The following PRKN variants were observed in gnomAD, a reference collection of about 807,000 sequenced individuals.
The protein encoded by PRKN is E3 ubiquitin-protein ligase parkin.
A neutral mutation model predicts 59.5 loss-of-function variants in PRKN; 56 were observed. The ratio of observed to expected loss-of-function variants is 0.94; its 90% confidence interval spans 0.76 to 1.18. The LOEUF (loss-of-function observed/expected upper bound fraction) is 1.18, where lower values mean the gene tolerates loss of function less well. Ranked by LOEUF, PRKN falls within the 50% of genes most tolerant of loss-of-function variation. The pLI, the probability that PRKN is intolerant of heterozygous loss-of-function variation, is 0.00. For missense variants in PRKN, 657 were observed against 596.4 expected, an observed-to-expected ratio of 1.10 and a Z score of -1.06; for synonymous variants, 250 against 222.1, an observed-to-expected ratio of 1.13 and a Z score of -1.12.
chr6:161,913,327 C>G (rs1364956356), intron 6 of PRKN, among the ~76,000 whole-genome samples: 2 of 152,036 alleles, frequency 1.3e-5, no homozygotes, highest in Non-Finnish European at 2.9e-5. Context: ...GAAAAAAGAG[C>G]TTATGTGTAA....
intron 2 of PRKN, among the ~76,000 whole-genome samples, chr6:162,300,807 A>G (rs1015665583): frequency 6.6e-6 from 1 of 152,116 alleles, no homozygotes; most frequent in Non-Finnish European, 1.5e-5. Flanking sequence ...TAACCCACTT[A>G]TTCTTTTTGT....
chr6:161,638,737 G>GTTTTTTTTT (rs1783620228), intron 7 of PRKN, among the ~76,000 whole-genome samples: 2 of 61,562 alleles, frequency 3.2e-5, no homozygotes, highest in African/African-American at 2.6e-4. Flanking sequence ...CACGAGATCT[G>GTTTTTTTTT]ATTTTTTTTT....
intron 7 of PRKN, among the ~76,000 whole-genome samples, chr6:161,573,746 A>T (rs1410744653): frequency 5.1e-5 from 2 of 39,370 alleles, no homozygotes; most frequent in Non-Finnish European, 8.5e-5. Flanking sequence ...AAAAAAAAAA[A>T]AAAAAAAAAA....
intron 4 of PRKN, among the ~76,000 whole-genome samples, chr6:162,083,499 C>G (rs1456605782): frequency 6.6e-6 from 1 of 152,012 alleles, no homozygotes; most frequent in Non-Finnish European, 1.5e-5. Context: ...TTCATCAAGC[C>G]AAACCATAAG....
chr6:161,419,419 G>A lies in PRKN; in HGVS notation c.1084-32542C>T, dbSNP rs910760908. 4.0e-5 allele frequency among the ~76,000 whole-genome samples: 6 copies of A among 150,496 alleles called. No individual in the cohort carries two copies. Among genetic ancestry groups the A allele is most frequent in the Admixed American group, 2.7e-4 (4 of 15,092 alleles). On this transcript the variant is annotated intron_variant, in intron 9 of 11. Coordinates refer to ENST00000366898, the MANE Select transcript of PRKN (RefSeq NM_004562.3). This position sits in a 1 kb window ranked among gnomAD's most constrained non-coding sequence, Gnocchi z 4.1. ...TCTTTTTTTTTTTAAATGGAGTCTCGCTCTGTTGCCCAGGCTGGAGTGCAG... is the reference window on the plus strand; with the variant it reads ...TCTTTTTTTTTTTAAATGGAGTCTCACTCTGTTGCCCAGGCTGGAGTGCAG...
At chr6:162,235,965 GAAA>G (rs1562602327) in intron 3 of PRKN, among the ~76,000 whole-genome samples, 52 of 93,536 alleles carry the variant, frequency 5.6e-4, no homozygotes, top group South Asian at 2.2e-3. Flanking sequence ...AAGGAAGAAA[GAAA>G]GAAAGAAAGA....
At chr6:162,009,218 A>G (rs1485961892) in intron 5 of PRKN, among the ~76,000 whole-genome samples, 1 of 151,806 alleles carries the variant, frequency 6.6e-6, no homozygotes, top group Admixed American at 6.6e-5. Flanking sequence ...ACGCCACTGC[A>G]CTCTAGCCTG....
intron 9 of PRKN, among the ~76,000 whole-genome samples, chr6:161,515,583 C>T (rs545786902): frequency 1.3e-5 from 2 of 152,282 alleles, no homozygotes; most frequent in South Asian, 4.1e-4. Flanking sequence ...TCATTTGAAA[C>T]AGTATATCGT....
chr6:161,841,005 T>C (rs1792964448), intron 6 of PRKN, among the ~76,000 whole-genome samples: 1 of 152,148 alleles, frequency 6.6e-6, no homozygotes, highest in Admixed American at 6.5e-5. Context: ...TGGAAGACAG[T>C]GTGATGATTC....
At chr6:161,374,253 G>C (rs1785557221) in intron 10 of PRKN, among the ~76,000 whole-genome samples, 1 of 151,668 alleles carries the variant, frequency 6.6e-6, no homozygotes, top group African/African-American at 2.4e-5. Context: ...ATATGCGTAT[G>C]CTGTATGTGC....
chr6:161,514,805 G>A (rs1200648967), intron 9 of PRKN, among the ~76,000 whole-genome samples: 1 of 152,090 alleles, frequency 6.6e-6, no homozygotes, highest in African/African-American at 2.4e-5. Flanking sequence ...CTGCGGGGAG[G>A]CCAGGAACCC....
chr6:161,655,181 G>A (rs1217024638), intron 7 of PRKN, among the ~76,000 whole-genome samples: 2 of 114,446 alleles, frequency 1.7e-5, no homozygotes, highest in Non-Finnish European at 3.4e-5. Context: ...CAGGCTCTCA[G>A]CATCATTAGC....
intron 2 of PRKN, among the ~76,000 whole-genome samples, chr6:162,272,152 C>A (rs1780420862): frequency 6.6e-6 from 1 of 152,136 alleles, no homozygotes; most frequent in Admixed American, 6.5e-5. Context: ...GGTTTGGCTA[C>A]ATGCCAGCAA....
chr6:162,672,413 C>CA (rs1449666255), intron 1 of PRKN, among the ~76,000 whole-genome samples: 4 of 151,026 alleles, frequency 2.6e-5, no homozygotes, highest in Non-Finnish European at 4.4e-5. Context: ...ACCACTTTGG[C>CA]AAAAAAAATA....
At chr6:162,565,697 A>AATAAATACATAC (rs375801686) in intron 1 of PRKN, among the ~76,000 whole-genome samples, 1 of 148,790 alleles carries the variant, frequency 6.7e-6, no homozygotes, top group Non-Finnish European at 1.5e-5. Flanking sequence ...TCTCAAAATA[A>AATAAATACATAC]ATACATACAT....
At chr6:162,095,050 G>C (rs1339472331) in intron 4 of PRKN, among the ~76,000 whole-genome samples, 3 of 152,144 alleles carry the variant, frequency 2.0e-5, no homozygotes, top group Admixed American at 2.0e-4. Flanking sequence ...CTGACACTAT[G>C]AAGAAAAACA....
chr6:161,800,487 C>A (rs968479931), intron 6 of PRKN, among the ~76,000 whole-genome samples: 2 of 152,176 alleles, frequency 1.3e-5, no homozygotes, highest in Admixed American at 1.3e-4. Flanking sequence ...AGCCTGGTAA[C>A]AAAATACTAT....
At chr6:161,855,904 C>T (rs1438985218) in intron 6 of PRKN, among the ~76,000 whole-genome samples, 3 of 152,176 alleles carry the variant, frequency 2.0e-5, no homozygotes, top group African/African-American at 7.2e-5. Context: ...AAGCAGGGTT[C>T]ATCCCAAGGA....
At chr6:161,855,806 A>G (rs916244853) in intron 6 of PRKN, among the ~76,000 whole-genome samples, 26 of 152,252 alleles carry the variant, frequency 1.7e-4, no homozygotes, top group Non-Finnish European at 3.5e-4. Flanking sequence ...AGAAAATTAC[A>G]GGCCAATTTT....
Sources: gnomAD v4.1 joint callset for allele counts (sites outside exome capture counted in the v4.1 genomes callset) on GRCh38, gnomAD v4.1.1 for gene constraint, Gnocchi (gnomAD v3.1) non-coding constraint, MANE v1.5 for transcripts, NCBI Gene and HGNC (gene_info 2026-07-23, HGNC 2026-07-21) for gene names.